CDH3: variants seen among roughly 807,000 people sequenced by gnomAD.
CDH3 encodes cadherin 3, also known as cadherin-3.
CDH3 carries 54 observed loss-of-function variants against 82.0 expected under a neutral mutation model. The ratio of observed to expected loss-of-function variants is 0.66; its 90% CI spans 0.53 to 0.83. The LOEUF (loss-of-function observed/expected upper bound fraction) is 0.83, where lower values mean the gene tolerates loss of function less well. CDH3 is among the 40% of genes least tolerant of loss of function. The pLI is 0.00. For synonymous variants in CDH3, 446 were observed against 437.9 expected (o/e 1.02, Z -0.23); for missense variants, 1,054 against 1,084.6 (o/e 0.97, Z 0.40).
intron 2 of CDH3, among the ~76,000 whole-genome samples, chr16:68,666,633 G>A (rs1960741385): frequency 1.3e-5 from 2 of 152,206 alleles, no homozygotes; most frequent in Admixed American, 6.5e-5. Flanking sequence ...GTGACGGAGA[G>A]AGGCAGACCA....
At chr16:68,697,991 C>T (rs552158185) in intron 15 of CDH3, 200 bp from the exon 16 acceptor site, 1 of 650,380 alleles carries the variant, frequency 1.5e-6, no homozygotes. Context: ...GCCCTTACCC[C>T]CTGGCCTGTG....
intron 2 of CDH3, among the ~76,000 whole-genome samples, chr16:68,657,737 TA>T: frequency 6.6e-6 from 1 of 152,324 alleles, no homozygotes; most frequent in East Asian, 1.9e-4. Flanking sequence ...ATCTTAGGGC[TA>T]AATGGGGAGA....
In CDH3 at chr16:68,695,298, G is replaced by T; in HGVS notation, c.2046G>T (p.Lys682Asn). The T allele has an allele frequency of 6.2e-7, 1 of 1,614,110 alleles. No homozygotes were observed. The highest frequency in any genetic ancestry group is 8.5e-7 in the Non-Finnish European group (1 of 1,180,024). ...VLLLLVRKKR[K>N]IKEPLLLPED... is the part of the protein sequence containing the mutation. ...TTTTGTTGGTGAGAAAGAAGCGGAAGATCAAGGAGCCCCTCCTACTCCCAG... is the reference window on the plus strand; with the variant it reads ...TTTTGTTGGTGAGAAAGAAGCGGAATATCAAGGAGCCCCTCCTACTCCCAG... Residue 682 changes from lysine to asparagine, a missense_variant, in exon 14 of 16, where the codon AAG becomes AAT. Transcript: ENST00000264012.
chr16:68,706,907 C>G (rs1961972143), intron 1 of CDH3, among the ~76,000 whole-genome samples: 1 of 152,138 alleles, frequency 6.6e-6, no homozygotes, highest in African/African-American at 2.4e-5. Flanking sequence ...AGGGTAGAGG[C>G]CCTTGCTGCC....
At chr16:68,664,696 G>C (rs976348366) in intron 2 of CDH3, among the ~76,000 whole-genome samples, 1 of 152,102 alleles carries the variant, frequency 6.6e-6, no homozygotes, top group Non-Finnish European at 1.5e-5. Flanking sequence ...GTCTCTCTCT[G>C]TTGCCCAGGC....
At chr16:68,652,511 C>T (rs564400094) in intron 2 of CDH3, among the ~76,000 whole-genome samples, 1 of 152,240 alleles carries the variant, frequency 6.6e-6, no homozygotes, top group Admixed American at 6.5e-5. Context: ...AAGGGCCTCC[C>T]CAGCTCCCAT....
downstream of CDH3, among the ~76,000 whole-genome samples, chr16:68,730,453 G>T (rs1050432494): frequency 2.6e-5 from 4 of 152,116 alleles, no homozygotes; most frequent in African/African-American, 9.6e-5. Flanking sequence ...TTGAACCCAG[G>T]AGACGGAAGT....
chr16:68,662,651 T>A (rs1379861328), intron 2 of CDH3, among the ~76,000 whole-genome samples: 2 of 149,954 alleles, frequency 1.3e-5, no homozygotes, highest in Admixed American at 1.3e-4. Flanking sequence ...TTCACACCAT[T>A]CTCCTGCCTC....
intron 14 of CDH3, 138 bp downstream of exon 14, chr16:68,695,523 C>A: frequency 1.1e-6 from 1 of 930,404 alleles, no homozygotes. Context: ...TTTCTAACAT[C>A]CTCCAGCACT....
At chr16:68,661,522 T>G (rs1289301904) in intron 2 of CDH3, among the ~76,000 whole-genome samples, 3 of 152,218 alleles carry the variant, frequency 2.0e-5, no homozygotes, top group African/African-American at 7.2e-5. Context: ...TATACATATT[T>G]CTTTAGACTA....
In CDH3 at chr16:68,727,426, G is replaced by A. The variant is rs546588568; in HGVS notation, c.*319G>A. On this transcript the variant is annotated 3_prime_UTR_variant, in exon 3 of 3. Transcript: ENST00000569080. ...TATATCCTATTTGTTCTGTTCTTGG[G>A]AGAACCCTGACTAATACACTGTGTA... 3.3e-5 allele frequency among the ~76,000 whole-genome samples: 5 copies of A among 152,156 alleles called. No individual in the cohort carries two copies. The South Asian group carries it at 1.0e-3, about 32-fold the overall frequency.
chr16:68,677,050 T>G lies in CDH3; in HGVS notation c.246+580T>G, dbSNP rs189579909. ...CTTTCCTTCCAGAGTTTATATATAG[T>G]CTATACTTACATGTGTTACATATTT... is the stretch of plus-strand genomic sequence containing the variant. On this transcript the variant is annotated intron_variant, in intron 3 of 15. Coordinates refer to ENST00000264012, the MANE Select transcript of CDH3 (RefSeq NM_001793.6). Among the ~76,000 whole-genome samples the G allele has an allele frequency of 3.6e-4, 55 of 152,348 alleles. 2 individuals are homozygous for G. The East Asian group carries it at 8.3e-3, about 23-fold the overall frequency.
At chr16:68,691,569 C>T (rs1055285583) in intron 12 of CDH3, 151 bp from the exon 13 acceptor site, 7 of 698,744 alleles carry the variant, frequency 1.0e-5, no homozygotes, top group Admixed American at 2.0e-5. Flanking sequence ...AGCCAAAGAT[C>T]AGCTTTTACT....
Position 68,698,392 on chromosome 16 carries a change from G to A in CDH3, c.2482G>A (p.Asp828Asn). The A allele has an allele frequency of 6.2e-7, 1 of 1,613,996 alleles. No homozygotes were observed. Among genetic ancestry groups the A allele is most frequent in the Non-Finnish European group, 8.5e-7 (1 of 1,179,978 alleles). Residue 828 changes from aspartate to asparagine, a missense_variant, in exon 16 of 16, where the codon GAC (aspartate) becomes AAC (asparagine). By Grantham distance (23) the Asp-to-Asn change is conservative. Transcript: ENST00000264012. ...KLADMYGGGE[D>N]D ...GGCAGACATGTACGGTGGCGGGGAG[G>A]ACGACTAGGCGGCCTGCCTGCAGGG...
At chr16:68,729,803 T>C (rs1962265358), downstream of CDH3, among the ~76,000 whole-genome samples, 1 of 152,010 alleles carries the variant, frequency 6.6e-6, no homozygotes, top group African/African-American at 2.4e-5. Flanking sequence ...GGCTATTTTT[T>C]TTTTAATTTT....
downstream of CDH3, among the ~76,000 whole-genome samples, chr16:68,729,900 C>G (rs140773055): frequency 4.6e-5 from 7 of 152,202 alleles, no homozygotes; most frequent in South Asian, 1.2e-3. Context: ...TCCTAAAGTG[C>G]TGGGACTACA....
chr16:68,707,746 C>T lies in CDH3; in HGVS notation c.99+11823C>T, dbSNP rs1961981734. Among the ~76,000 whole-genome samples the T allele has an allele frequency of 6.6e-6, 1 of 152,090 alleles. No individual in the cohort carries two copies. The highest frequency in any genetic ancestry group is 1.5e-5 in the Non-Finnish European group (1 of 68,014). On this transcript the variant is annotated intron_variant, in intron 1 of 2. Transcript: ENST00000569080. This position sits in a 1 kb window ranked among gnomAD's most constrained non-coding sequence, Gnocchi z 4.5. Reference sequence around the variant, plus strand: ...AGGTGGTCACTGCCAGCCTTGTCCTCGCTTGGTATTAGGCCCTCTCCAAGT... The same window carrying T: ...AGGTGGTCACTGCCAGCCTTGTCCTTGCTTGGTATTAGGCCCTCTCCAAGT...
At chr16:68,705,748 TTA>T (rs1238729690) in intron 1 of CDH3, among the ~76,000 whole-genome samples, 1 of 148,832 alleles carries the variant, frequency 6.7e-6, no homozygotes, top group East Asian at 2.1e-4. Context: ...GGTGCTAGGG[TTA>T]TAGCAATGCA....
chr16:68,687,828 G>A, intron 12 of CDH3, 92 bp downstream of exon 12: 1 of 865,230 alleles, frequency 1.2e-6, no homozygotes, highest in East Asian at 2.6e-5. Flanking sequence ...TCCTATCCTA[G>A]CATCTTGTGG....
Sources: allele counts gnomAD v4.1 joint callset (sites outside exome capture counted in the v4.1 genomes callset), GRCh38; gene constraint gnomAD v4.1.1; non-coding constraint Gnocchi (gnomAD v3.1); transcripts MANE v1.5; gene names NCBI Gene and HGNC (gene_info 2026-07-23, HGNC 2026-07-21).